The following COPB1 variants were observed in gnomAD, a reference collection of about 807,000 sequenced individuals.
COPB1 encodes coatomer subunit beta.
A neutral mutation model predicts 108.7 loss-of-function variants in COPB1; 21 were observed. The observed-to-expected ratio is 0.19, with a 90% CI of 0.14 to 0.28. The LOEUF (loss-of-function observed/expected upper bound fraction) is 0.28. Among genes scored for constraint, COPB1 ranks in the 10% least tolerant of loss-of-function variants. The pLI is 1.00. For missense variants in COPB1, 919 were observed against 1,141.3 expected, an observed-to-expected ratio of 0.81 and a Z score of 2.81; for synonymous variants, 378 against 386.8, an observed-to-expected ratio of 0.98 and a Z score of 0.27.
At chr11:14,472,042 A>G (rs1850417987) in intron 14 of COPB1, among the ~76,000 whole-genome samples, 2 of 152,244 alleles carry the variant, frequency 1.3e-5, no homozygotes, top group Non-Finnish European at 2.9e-5. Context: ...ATAATACGAA[A>G]GCTGAAGGAA....
At chr11:14,496,275 C>T (rs1468496721) in intron 2 of COPB1, among the ~76,000 whole-genome samples, 14 of 150,898 alleles carry the variant, frequency 9.3e-5, no homozygotes, top group African/African-American at 2.9e-4. Flanking sequence ...TTTTTTTTTT[C>T]TTGACAGAAT....
At chr11:14,492,748 A>G (rs1850935402) in intron 4 of COPB1, among the ~76,000 whole-genome samples, 1 of 152,220 alleles carries the variant, frequency 6.6e-6, no homozygotes, top group African/African-American at 2.4e-5. Context: ...AAGTACAAAG[A>G]TGCTTATAAA....
chr11:14,467,353 C>T (rs1412060096), intron 16 of COPB1, among the ~76,000 whole-genome samples: 1 of 151,932 alleles, frequency 6.6e-6, no homozygotes, highest in Non-Finnish European at 1.5e-5. Context: ...ACTTCACATA[C>T]CCATTAAGAT....
Position 14,476,928 on chromosome 11 carries a change from G to A in COPB1, c.1446C>T (p.Ser482=). 3 of 1,602,390 alleles carry A rather than the reference G, an allele frequency of 1.9e-6. No individual in the cohort carries two copies. The highest frequency in any genetic ancestry group is 1.7e-6 in the Non-Finnish European group (2 of 1,169,668). The change falls in exon 12 of 22, where the codon TCC becomes TCT. Residue 482 remains serine (S), a synonymous_variant. Coordinates refer to ENST00000439561, the MANE Select transcript of COPB1 (RefSeq NM_001144061.2). ...IQSVMTEIRR[S]LGEIPIVESE... is the part of the protein sequence containing the mutation. ...CTAAAGTAAAACATACCTCTCCAAG[G>A]GACCTGCGGATCTCAGTCATCACAC...
In COPB1 at chr11:14,478,951, C is replaced by T. The variant is rs549569347; in HGVS notation, c.1358+618G>A. ...GCTTTCTGGTTTTTGCCGGAAAGCC[C>T]TCTCACAAAAAAAAAAAAAAAAAAA... On this transcript the variant is annotated intron_variant, in intron 11 of 21. Transcript: ENST00000439561. The T allele has an allele frequency of 1.0e-4, 12 of 119,580 alleles. No homozygotes were observed. In the South Asian group the frequency reaches 3.7e-3, roughly 37 times the overall value. 7.4% of individuals were successfully genotyped at this position (119,580 alleles called of 1,614,324 possible).
intron 2 of COPB1, among the ~76,000 whole-genome samples, chr11:14,497,624 C>G (rs1365602752): frequency 2.6e-5 from 4 of 152,162 alleles, no homozygotes; most frequent in Admixed American, 2.0e-4. Flanking sequence ...CTATGGAGAA[C>G]AGTTTGGAGG....
At chr11:14,464,885 T>C (rs1850246892) in intron 18 of COPB1, 26 bp downstream of exon 18, 2 of 1,601,680 alleles carry the variant, frequency 1.2e-6, no homozygotes, top group Middle Eastern at 2.0e-4. Context: ...TATTCAAACA[T>C]TACATGCCAT....
At chr11:14,466,983 C>T (rs571476962) in intron 16 of COPB1, among the ~76,000 whole-genome samples, 1 of 152,140 alleles carries the variant, frequency 6.6e-6, no homozygotes, top group South Asian at 2.1e-4. Context: ...ACACTGAAAG[C>T]ACTGTACTTT....
intron 2 of COPB1, among the ~76,000 whole-genome samples, chr11:14,496,813 C>T (rs1004523884): frequency 2.6e-5 from 4 of 152,090 alleles, no homozygotes; most frequent in Non-Finnish European, 5.9e-5. Flanking sequence ...TACATAGCTA[C>T]AGTAACCAAA....
chr11:14,487,084 T>G (rs1039550532), intron 6 of COPB1, among the ~76,000 whole-genome samples: 9 of 152,222 alleles, frequency 5.9e-5, no homozygotes, highest in African/African-American at 1.9e-4. Context: ...TCCCAAGTAC[T>G]ACTACTTATT....
intron 6 of COPB1, among the ~76,000 whole-genome samples, chr11:14,487,198 C>A (rs958470191): frequency 1.3e-5 from 2 of 152,072 alleles, no homozygotes; most frequent in Non-Finnish European, 2.9e-5. Flanking sequence ...CTTATTTTTT[C>A]TCTTTTGAAG....
intron 2 of COPB1, among the ~76,000 whole-genome samples, chr11:14,495,584 G>A (rs960323140): frequency 1.4e-4 from 22 of 152,252 alleles, no homozygotes; most frequent in Admixed American, 1.1e-3. Context: ...CGCTGGTCTC[G>A]AACTCCTGAA....
intron 14 of COPB1, among the ~76,000 whole-genome samples, chr11:14,473,515 A>C (rs1565016094): frequency 6.6e-6 from 1 of 152,154 alleles, no homozygotes; most frequent in Non-Finnish European, 1.5e-5. Flanking sequence ...GCCTAATTTC[A>C]ATATTGTGGT....
chr11:14,479,901 T>C (rs1850624008), intron 10 of COPB1, among the ~76,000 whole-genome samples, 187 bp from the exon 11 acceptor site: 2 of 152,152 alleles, frequency 1.3e-5, no homozygotes, highest in African/African-American at 4.8e-5. Context: ...ACTCTTGGGC[T>C]CAAGTGATCC....
Position 14,464,996 on chromosome 11 carries a change from C to T in COPB1, c.2325G>A (p.Leu775=). Residue 775 remains leucine, a synonymous_variant, in exon 18 of 22, where the codon TTG becomes TTA. Coordinates refer to ENST00000439561, the MANE Select transcript of COPB1 (RefSeq NM_001144061.2). ...TTGCGAAGTCATGAGGAGCAAGAGT[C>T]AAAGGAGACGGCTTTTCCACAAGTT... The part of the protein sequence containing the change: ...DLKLVEKPSP[L]TLAPHDFANI... 1 of 1,611,948 alleles carries T rather than the reference C, an allele frequency of 6.2e-7. No individual in the cohort carries two copies. Among genetic ancestry groups the T allele is most frequent in the Non-Finnish European group, 8.5e-7 (1 of 1,179,246 alleles).
Position 14,483,167 on chromosome 11 carries a change from A to C in COPB1, c.838-16T>G. ...GAGCAGCAGCCTATATAAAAAAAGA[A>C]ATACATTTTAAGAAGTTATTCATCT... On this transcript the variant is annotated splice_polypyrimidine_tract_variant and intron_variant, in intron 7 of 21. Transcript: ENST00000439561. 1 of 1,517,000 alleles carries C rather than the reference A, an allele frequency of 6.6e-7. No individual in the cohort carries two copies. Among genetic ancestry groups the C allele is most frequent in the Non-Finnish European group, 8.9e-7 (1 of 1,122,182 alleles). 94.0% of individuals were successfully genotyped at this position (1,517,000 alleles called of 1,614,324 possible).
chr11:14,488,620 C>T, intron 5 of COPB1, 36 bp from the exon 6 acceptor site: 3 of 1,397,902 alleles, frequency 2.1e-6, no homozygotes, highest in Non-Finnish European at 3.0e-6. Flanking sequence ...CATTCTCCAC[C>T]TCATTCAATA....
chr11:14,496,716 A>T (rs1246231364), intron 2 of COPB1, among the ~76,000 whole-genome samples: 1 of 152,148 alleles, frequency 6.6e-6, no homozygotes, highest in African/African-American at 2.4e-5. Context: ...ATTTATATGG[A>T]ACCACAAAAG....
intron 14 of COPB1, among the ~76,000 whole-genome samples, chr11:14,470,861 C>T (rs948396584): frequency 1.3e-5 from 2 of 148,838 alleles, no homozygotes; most frequent in South Asian, 2.1e-4. Context: ...TTACTGAAAC[C>T]AAGTGAAAAG....
Sources: allele counts gnomAD v4.1 joint callset (sites outside exome capture counted in the v4.1 genomes callset), GRCh38; gene constraint gnomAD v4.1.1; transcripts MANE v1.5; gene names NCBI Gene and HGNC (gene_info 2026-07-23, HGNC 2026-07-21).